TPP1: variants seen among roughly 807,000 people sequenced by gnomAD.
The protein encoded by TPP1 is tripeptidyl peptidase 1.
Under a neutral mutation model 67.6 loss-of-function variants are expected in TPP1, and 43 were observed. That is an observed-to-expected ratio of 0.64 (90% CI 0.50 to 0.82). TPP1 has a LOEUF of 0.82. Ranked by LOEUF, TPP1 falls within the 40% of genes least tolerant of loss-of-function variation. The pLI, the probability that TPP1 is intolerant of heterozygous loss-of-function variation, is 0.00. For synonymous variants in TPP1, 272 were observed against 281.5 expected (o/e 0.97, Z 0.34); for missense variants, 671 against 710.9 (o/e 0.94, Z 0.64).
chr11:6,616,937 G>T, intron 6 of TPP1, 38 bp downstream of exon 6: 3 of 1,614,138 alleles, frequency 1.9e-6, no homozygotes, highest in Non-Finnish European at 2.5e-6. Flanking sequence ...ACACTGTGGG[G>T]AGGCTATGAG....
At position 6,616,305 on chromosome 11, in the gene TPP1, A is replaced by G. The variant is rs2134593422; in HGVS notation, c.1075+10T>C. Reference sequence around the variant, plus strand: ...TGTAAGCATTGTCTAAGTTTAGGGTAGGAGGTCACCTGAGGCGAAGAGCAG... The same window carrying G: ...TGTAAGCATTGTCTAAGTTTAGGGTGGGAGGTCACCTGAGGCGAAGAGCAG... On this transcript the variant is annotated intron_variant, in intron 8 of 12. Transcript: ENST00000299427. 6.2e-7 allele frequency: 1 copy of G among 1,613,036 alleles called. No individual in the cohort carries two copies. The highest frequency in any genetic ancestry group is 8.5e-7 in the Non-Finnish European group (1 of 1,179,938).
Position 6,618,689 on chromosome 11 carries a change from G to A in TPP1, c.229+87C>T, listed in dbSNP as rs150406847. ...CTGAGGAACACAAGTGTCTTGGCAGGCTCTGACATGATCGCCATCCCATGC... is the reference window on the plus strand; with the variant it reads ...CTGAGGAACACAAGTGTCTTGGCAGACTCTGACATGATCGCCATCCCATGC... On this transcript the variant is annotated intron_variant, in intron 3 of 12. Transcript: ENST00000299427. 9.0e-5 allele frequency: 142 copies of A among 1,573,664 alleles called. No individual in the cohort carries two copies. In the African/African-American group the frequency reaches 1.7e-3, roughly 19 times the overall value.
At chr11:6,615,885 C>T (rs1855573236) in intron 9 of TPP1, 120 bp downstream of exon 9, 2 of 1,155,596 alleles carry the variant, frequency 1.7e-6, no homozygotes, top group African/African-American at 1.5e-5. Flanking sequence ...GCAACCAGGG[C>T]AGGCAAAGCT....
chr11:6,617,626 C>A lies in TPP1; in HGVS notation c.380G>T (p.Arg127Leu), dbSNP rs121908204. 2.5e-6 allele frequency: 4 copies of A among 1,613,978 alleles called. No homozygotes were observed. Among genetic ancestry groups the A allele is most frequent in the Admixed American group, 3.3e-5 (2 of 60,002 alleles). Reference sequence around the variant, plus strand: ...CCATGGAGCAATCATTTCCTCTCACCGGATGCTCAGCCAGCAAGTCAGAAA... The same window carrying A: ...CCATGGAGCAATCATTTCCTCTCACAGGATGCTCAGCCAGCAAGTCAGAAA... Reference protein sequence around the residue: ...QDFLTCWLSIRQAELLLPGAE... With the variant: ...QDFLTCWLSILQAELLLPGAE... Residue 127 changes from arginine to leucine, a missense_variant and splice_region_variant, in exon 4 of 13, where the codon CGA becomes CTA. Transcript: ENST00000299427.
intron 2 of TPP1, 98 bp from the exon 3 acceptor site, chr11:6,619,013 G>C (rs953299185): frequency 1.1e-5 from 17 of 1,557,858 alleles, no homozygotes; most frequent in African/African-American, 1.4e-5. Context: ...ACCTTGGGGA[G>C]GATCCTAGGA....
intron 3 of TPP1, 76 bp from the exon 4 acceptor site, chr11:6,617,852 G>A: frequency 1.9e-6 from 3 of 1,600,136 alleles, no homozygotes; most frequent in Non-Finnish European, 1.7e-6. Flanking sequence ...TCAACTATGA[G>A]ACATCAGGAC....
At chr11:6,615,851 G>A in intron 9 of TPP1, 154 bp downstream of exon 9, 1 of 900,750 alleles carries the variant, frequency 1.1e-6, no homozygotes, top group East Asian at 2.6e-5. Flanking sequence ...CCTGGGACCT[G>A]CAGGAAGAAG....
Position 6,614,970 on chromosome 11 carries a change from C to A in TPP1, c.1447G>T (p.Gly483Trp). ...GTSASTPVFG[G>W]ILSLINEHRI... is the part of the protein sequence containing the mutation. ...TGCTCATTGATCAAGGATAGGATCC[C>A]CCCAAACACTGGAGTAGAGGCCTAC... Residue 483 changes from glycine (G) to tryptophan (W), a missense_variant, in exon 12 of 13, where the codon GGG (glycine) becomes TGG (tryptophan). Transcript: ENST00000299427. 1 of 1,614,124 alleles carries A rather than the reference C, an allele frequency of 6.2e-7. No individual in the cohort carries two copies. Among genetic ancestry groups the A allele is most frequent in the South Asian group, 1.1e-5 (1 of 91,078 alleles).
In TPP1 at chr11:6,615,507, T is replaced by C; in HGVS notation, c.1201A>G (p.Asn401Asp). 6.2e-7 allele frequency: 1 copy of C among 1,614,158 alleles called. No individual in the cohort carries two copies. Among genetic ancestry groups the C allele is most frequent in the Non-Finnish European group, 8.5e-7 (1 of 1,180,024 alleles). Residue 401 changes from asparagine (N) to aspartate (D), a missense_variant, in exon 10 of 13, where the codon AAT becomes GAT. Physicochemically the swap from Asn to Asp is conservative, Grantham distance 23. Transcript: ENST00000299427. ...CCACTGATATAGTCAACAATTTCATTTGTGATGAGGAAAGGTTCCTGGAAG... is the reference window on the plus strand; with the variant it reads ...CCACTGATATAGTCAACAATTTCATCTGTGATGAGGAAAGGTTCCTGGAAG... ...TSFQEPFLIT[N>D]EIVDYISGGG...
Position 6,618,822 on chromosome 11 carries a change from G to C in TPP1, c.183C>G (p.Leu61=), listed in dbSNP as rs1855625055. 6.2e-7 allele frequency: 1 copy of C among 1,614,042 alleles called. No homozygotes were observed. Among genetic ancestry groups the C allele is most frequent in the Non-Finnish European group, 8.5e-7 (1 of 1,180,030 alleles). ...CCGACACAGCCTGCACCAGCTCCGA[G>C]AGTCTTTCCACATTCTGCTGTCTCA... ...FALRQQNVER[L]SELVQAVSDP... Residue 61 remains leucine (L), a synonymous_variant, in exon 3 of 13, where the codon CTC becomes CTG. Transcript: ENST00000299427.
intron 3 of TPP1, chr11:6,618,293 A>G (rs1284174940): frequency 5.5e-5 from 18 of 329,098 alleles, no homozygotes; most frequent in Admixed American, 3.8e-4. Context: ...AGGAGAAGGA[A>G]CCAATCCATT....
chr11:6,614,467 G>A lies in TPP1; in HGVS notation c.*79C>T. The stretch of plus-strand genomic sequence containing the variant: ...AGTCAATAGTTGAGGGTTCAGCAGG[G>A]CTTCCAACAGGGCAGAATAAGGGAC... On this transcript the variant is annotated 3_prime_UTR_variant, in exon 13 of 13. Coordinates refer to ENST00000299427, the MANE Select transcript of TPP1 (RefSeq NM_000391.4). The A allele has an allele frequency of 6.3e-7, 1 of 1,597,302 alleles. No individual in the cohort carries two copies. The highest frequency in any genetic ancestry group is 1.7e-5 in the Admixed American group (1 of 59,776).
intron 5 of TPP1, 55 bp from the exon 6 acceptor site, chr11:6,617,208 C>A (rs764863774): frequency 6.2e-7 from 1 of 1,613,858 alleles, no homozygotes; most frequent in South Asian, 1.1e-5. Flanking sequence ...GCCCACCTTA[C>A]AACTCACCCC....
In TPP1 at chr11:6,614,388, GAGTCA is replaced by G; in HGVS notation, c.*153_*157del. 1 of 959,134 alleles carries G rather than the reference GAGTCA, an allele frequency of 1.0e-6. No homozygotes were observed. The highest frequency in any genetic ancestry group is 2.2e-5 in the Admixed American group (1 of 45,270). The allele number at this position is 959,134 out of a possible 1,614,324, so 59.4% of individuals were successfully genotyped here. On this transcript the variant is annotated 3_prime_UTR_variant, in exon 13 of 13. Coordinates refer to ENST00000299427, the MANE Select transcript of TPP1 (RefSeq NM_000391.4). Reference sequence around the variant, plus strand: ...GTATGATGGAGCATGGTAGGGTTGGGAGTCAAGTCAAGCTCACAGCATTTCAGGGT... The same window carrying G: ...GTATGATGGAGCATGGTAGGGTTGGGAGTCAAGCTCACAGCATTTCAGGGT...
chr11:6,618,358 G>T, intron 3 of TPP1: 1 of 385,396 alleles, frequency 2.6e-6, no homozygotes, highest in Non-Finnish European at 4.8e-6. Context: ...GTGAGGGGTG[G>T]GGTGGAGGGA....
At position 6,616,024 on chromosome 11, in the gene TPP1, G is replaced by A. The variant is rs1745283767; in HGVS notation, c.1126C>T (p.Pro376Ser). Reference protein sequence around the residue: ...WSVSGRHQFRPTFPASSPYVT... With the variant: ...WSVSGRHQFRSTFPASSPYVT... ...ACTTACCTGGAGGCAGGGAAGGTAG[G>A]GCGGAACTGGTGTCTTCCAGAGACA... The change falls in exon 9 of 13, where the codon CCT becomes TCT. Residue 376 changes from proline (P) to serine (S), a missense_variant. By Grantham distance (74) the Pro-to-Ser change is moderately conservative (BLOSUM62 -1). Coordinates refer to ENST00000299427, the MANE Select transcript of TPP1 (RefSeq NM_000391.4). 6.2e-7 allele frequency: 1 copy of A among 1,614,082 alleles called. No homozygotes were observed. The highest frequency in any genetic ancestry group is 1.3e-5 in the African/African-American group (1 of 74,904).
At position 6,616,197 on chromosome 11, in the gene TPP1, T is replaced by C. The variant is rs890532198; in HGVS notation, c.1075+118A>G. ...GTGTAGAGGTCAGGTCAGTGGTCCC[T>C]ACTGGAAGGTCTGAGTTCAGATTAT... On this transcript the variant is annotated intron_variant, in intron 8 of 12. Coordinates refer to ENST00000299427, the MANE Select transcript of TPP1 (RefSeq NM_000391.4). 11 of 1,578,362 alleles carry C rather than the reference T, an allele frequency of 7.0e-6. No individual in the cohort carries two copies. The East Asian group carries it at 9.0e-5, about 13-fold the overall frequency.
intron 9 of TPP1, 73 bp downstream of exon 9, chr11:6,615,932 A>G (rs1321672333): frequency 1.3e-6 from 2 of 1,549,436 alleles, no homozygotes; most frequent in Non-Finnish European, 1.8e-6. Flanking sequence ...TGGGGTCAAG[A>G]CAAAGGTTCT....
chr11:6,617,322 A>ACCT lies in TPP1; in HGVS notation c.486_487insAGG (p.Ala162_Leu163insArg). 1 of 1,614,122 alleles carries ACCT rather than the reference A, an allele frequency of 6.2e-7. No individual in the cohort carries two copies. The highest frequency in any genetic ancestry group is 8.5e-7 in the Non-Finnish European group (1 of 1,180,012). On this transcript the variant is annotated inframe_insertion, in exon 5 of 13. Coordinates refer to ENST00000299427, the MANE Select transcript of TPP1 (RefSeq NM_000391.4). ...TTACCAAAGTCCACATGGGGGGCCAAGGCCTGTGGAAGCTGGTAGGGATGT... is the reference window on the plus strand; with the variant it reads ...TTACCAAAGTCCACATGGGGGGCCAACCTGGCCTGTGGAAGCTGGTAGGGATGT...
Sources: gnomAD v4.1 joint callset for allele counts on GRCh38, gnomAD v4.1.1 for gene constraint, MANE v1.5 for transcripts, NCBI Gene and HGNC (gene_info 2026-07-23, HGNC 2026-07-21) for gene names.